The following FBN2 variants were observed in gnomAD, a reference collection of about 807,000 sequenced individuals.
FBN2 encodes fibrillin 2.
FBN2 carries 105 observed loss-of-function variants against 355.6 expected under a neutral mutation model. The observed-to-expected ratio is 0.30, with a 90% CI of 0.25 to 0.35. The LOEUF (loss-of-function observed/expected upper bound fraction) is 0.35, where lower values mean the gene tolerates loss of function less well. Among genes scored for constraint, FBN2 ranks in the 10% least tolerant of loss-of-function variants. The pLI, the probability that FBN2 is intolerant of heterozygous loss-of-function variation, is 1.00. For synonymous variants in FBN2, 1,350 were observed against 1,301.2 expected (o/e 1.04, Z -0.81); for missense variants, 3,280 against 3,758.7 (o/e 0.87, Z 3.33).
At chr5:128,295,223 G>C (rs1174929733) in intron 48 of FBN2, among the ~76,000 whole-genome samples, 1 of 150,590 alleles carries the variant, frequency 6.6e-6, no homozygotes, top group Non-Finnish European at 1.5e-5. Context: ...GTACCATGCT[G>C]TTTTGGTTAC....
At chr5:128,471,657 C>CA (rs910979932) in intron 5 of FBN2, among the ~76,000 whole-genome samples, 79 of 151,614 alleles carry the variant, frequency 5.2e-4, no homozygotes, top group Middle Eastern at 3.4e-3. Context: ...AAAACAAAAA[C>CA]AAAAAAAACT....
At chr5:128,343,382 C>A (rs936922955) in intron 25 of FBN2, among the ~76,000 whole-genome samples, 1 of 152,118 alleles carries the variant, frequency 6.6e-6, no homozygotes, top group Non-Finnish European at 1.5e-5. Context: ...GGCAGCAGGA[C>A]TTCAGAAAGC....
intron 5 of FBN2, among the ~76,000 whole-genome samples, chr5:128,510,706 G>A (rs868507465): frequency 3.2e-4 from 49 of 152,120 alleles, no homozygotes; most frequent in African/African-American, 1.0e-3. Flanking sequence ...ATATGTGTGT[G>A]TATTCCCTAG....
At chr5:128,518,912 G>A (rs1455626905) in intron 5 of FBN2, among the ~76,000 whole-genome samples, 1 of 152,144 alleles carries the variant, frequency 6.6e-6, no homozygotes, top group Non-Finnish European at 1.5e-5. Context: ...ATTTTGTGGG[G>A]TTTGCAGCCA....
At chr5:128,386,574 T>C (rs535258473) in intron 11 of FBN2, among the ~76,000 whole-genome samples, 229 of 152,212 alleles carry the variant, frequency 1.5e-3, no homozygotes, top group Admixed American at 2.4e-3. Context: ...TGTTGATACT[T>C]TGATAGGAAT....
intron 15 of FBN2, among the ~76,000 whole-genome samples, chr5:128,370,460 C>T (rs1751903205): frequency 6.6e-6 from 1 of 152,084 alleles, no homozygotes; most frequent in South Asian, 2.1e-4. Context: ...TACGTGTGTG[C>T]TTAAATGGAA....
At chr5:128,356,595 T>G (rs1751510670) in intron 20 of FBN2, among the ~76,000 whole-genome samples, 1 of 152,270 alleles carries the variant, frequency 6.6e-6, no homozygotes, top group Non-Finnish European at 1.5e-5. Context: ...AGGGAAAAAT[T>G]ACTGGGACAG....
intron 20 of FBN2, among the ~76,000 whole-genome samples, chr5:128,352,751 G>A (rs899579836): frequency 6.6e-6 from 1 of 152,200 alleles, no homozygotes; most frequent in African/African-American, 2.4e-5. Flanking sequence ...TCTGATGTGA[G>A]TGATGTGGAA....
intron 9 of FBN2, among the ~76,000 whole-genome samples, chr5:128,393,744 T>C (rs1458885141): frequency 1.4e-4 from 21 of 152,256 alleles, no homozygotes; most frequent in Admixed American, 1.4e-3. Context: ...TGGTTTTACT[T>C]ACATTCTCTT....
intron 5 of FBN2, among the ~76,000 whole-genome samples, chr5:128,498,309 A>G (rs76003044): frequency 0.013 from 1,950 of 152,306 alleles, 21 homozygotes; most frequent in Middle Eastern, 0.024. Flanking sequence ...AATCTCCAAC[A>G]TCTCACCAGT....
intron 27 of FBN2, 98 bp from the exon 28 acceptor site, chr5:128,336,211 G>A: frequency 8.4e-7 from 1 of 1,197,202 alleles, no homozygotes. Flanking sequence ...AAAGGGGTTT[G>A]TGTACTTCAC....
At chr5:128,269,463 A>C (rs1765210473) in intron 62 of FBN2, among the ~76,000 whole-genome samples, 2 of 151,448 alleles carry the variant, frequency 1.3e-5, no homozygotes, top group Non-Finnish European at 2.9e-5. Flanking sequence ...CACCCCAAAA[A>C]AAAAACAAAA....
intron 63 of FBN2, 26 bp downstream of exon 63, chr5:128,263,399 T>C (rs369000019): frequency 5.8e-6 from 9 of 1,544,092 alleles, no homozygotes; most frequent in African/African-American, 1.4e-5. Context: ...TATTCCTCTA[T>C]GTGCTGAGGC....
At chr5:128,265,511 A>C (rs2126797618) in intron 62 of FBN2, among the ~76,000 whole-genome samples, 1 of 152,314 alleles carries the variant, frequency 6.6e-6, no homozygotes, top group South Asian at 2.1e-4. Context: ...AACTGATTCA[A>C]GCCTCACTCA....
At chr5:128,303,163 T>A (rs1581201563) in intron 45 of FBN2, 74 bp from the exon 46 acceptor site, 3 of 857,034 alleles carry the variant, frequency 3.5e-6, no homozygotes, top group Non-Finnish European at 6.1e-6. Flanking sequence ...TTTTATATGT[T>A]TAACTTATGG....
At chr5:128,482,111 C>T (rs1187798936) in intron 5 of FBN2, among the ~76,000 whole-genome samples, 1 of 152,002 alleles carries the variant, frequency 6.6e-6, no homozygotes, top group African/African-American at 2.4e-5. Context: ...GAACTCTCAA[C>T]AAAAATGGAT....
At chr5:128,472,764 C>G (rs934705504) in intron 5 of FBN2, among the ~76,000 whole-genome samples, 3 of 150,740 alleles carry the variant, frequency 2.0e-5, no homozygotes, top group African/African-American at 7.4e-5. Flanking sequence ...GCACTCCAGC[C>G]TGGGCAACAA....
chr5:128,372,812 A>G (rs1751975505), intron 15 of FBN2, among the ~76,000 whole-genome samples: 1 of 152,042 alleles, frequency 6.6e-6, no homozygotes, highest in Non-Finnish European at 1.5e-5. Context: ...CTTTTTGCAG[A>G]GATAGGGTTT....
intron 11 of FBN2, among the ~76,000 whole-genome samples, chr5:128,388,859 C>T (rs1752438107): frequency 1.3e-5 from 2 of 152,146 alleles, no homozygotes; most frequent in African/African-American, 4.8e-5. Flanking sequence ...GTACTCCAGA[C>T]TTCCTGAATT....
Sources: allele counts gnomAD v4.1 joint callset (sites outside exome capture counted in the v4.1 genomes callset), GRCh38; gene constraint gnomAD v4.1.1; transcripts MANE v1.5; gene names NCBI Gene and HGNC (gene_info 2026-07-23, HGNC 2026-07-21).